PRR16: variants seen among roughly 807,000 people sequenced by gnomAD.
PRR16 encodes the protein proline rich 16.
Under a neutral mutation model 18.2 loss-of-function variants are expected in PRR16, and 6 were observed. The ratio of observed to expected loss-of-function variants is 0.33; its 90% CI spans 0.18 to 0.65. The LOEUF (loss-of-function observed/expected upper bound fraction) is 0.65, where lower values mean the gene tolerates loss of function less well. Ranked by LOEUF, PRR16 falls within the 30% of genes least tolerant of loss-of-function variation. The probability of loss-of-function intolerance (pLI) is 0.74; values close to 1 mark genes in which losing one functional copy is unlikely to be tolerated. For synonymous variants in PRR16, 151 were observed against 147.8 expected, an observed-to-expected ratio of 1.02 and a Z score of -0.16; for missense variants, 412 against 376.6, an observed-to-expected ratio of 1.09 and a Z score of -0.78.
the PRR16 span, among the ~76,000 whole-genome samples, chr5:120,741,711 CCT>C: frequency 6.6e-6 from 1 of 152,124 alleles, no homozygotes; most frequent in Non-Finnish European, 1.5e-5. Flanking sequence ...AAGCGATTCC[CCT>C]GTCTCAGCCT....
chr5:120,464,920 G>A (rs1222955848), intron 1 of PRR16, among the ~76,000 whole-genome samples: 1 of 152,138 alleles, frequency 6.6e-6, no homozygotes, highest in Non-Finnish European at 1.5e-5. Context: ...CTGAATCTGT[G>A]TGTGTGACGA....
At chr5:120,685,627 C>T in intron 1 of PRR16, among the ~76,000 whole-genome samples, 1 of 151,922 alleles carries the variant, frequency 6.6e-6, no homozygotes, top group East Asian at 1.9e-4. Context: ...AGGGAAATGC[C>T]CTCTGATTAT....
At chr5:120,504,142 T>A (rs1202200042) in intron 1 of PRR16, among the ~76,000 whole-genome samples, 1 of 152,092 alleles carries the variant, frequency 6.6e-6, no homozygotes, top group Non-Finnish European at 1.5e-5. Context: ...TCATTTAGCA[T>A]TAGGTATATC....
At chr5:120,494,576 C>T (rs1750180355) in intron 1 of PRR16, among the ~76,000 whole-genome samples, 1 of 152,084 alleles carries the variant, frequency 6.6e-6, no homozygotes, top group Non-Finnish European at 1.5e-5. Flanking sequence ...TTTTCTCCCT[C>T]TTCACGAGGT....
chr5:120,766,147 C>A, the PRR16 span, among the ~76,000 whole-genome samples: 1 of 152,070 alleles, frequency 6.6e-6, no homozygotes, highest in Admixed American at 6.6e-5. Context: ...AGTTTTGTGT[C>A]TGTATTTTTA....
intron 1 of PRR16, among the ~76,000 whole-genome samples, chr5:120,541,995 G>A (rs1751931675): frequency 6.6e-6 from 1 of 151,124 alleles, no homozygotes; most frequent in Non-Finnish European, 1.5e-5. Flanking sequence ...ATAGCTTCTT[G>A]ATACTCCCTT....
At chr5:120,702,558 C>G in the PRR16 span, among the ~76,000 whole-genome samples, 1 of 152,124 alleles carries the variant, frequency 6.6e-6, no homozygotes, top group Non-Finnish European at 1.5e-5. Context: ...CCTGCGTGGT[C>G]TGACACCTTT....
chr5:120,761,254 G>A, the PRR16 span, among the ~76,000 whole-genome samples: 1 of 152,000 alleles, frequency 6.6e-6, no homozygotes, highest in Non-Finnish European at 1.5e-5. Context: ...GAGGAAACTG[G>A]ATTGTTTAAC....
chr5:120,473,657 G>A (rs190966048), intron 1 of PRR16, among the ~76,000 whole-genome samples: 201 of 152,236 alleles, frequency 1.3e-3, no homozygotes, highest in Middle Eastern at 6.8e-3. Context: ...TCAACAAGTA[G>A]TGTTTAACAC....
intron 1 of PRR16, among the ~76,000 whole-genome samples, chr5:120,499,052 TAGGTTTGTA>T (rs1254425019): frequency 3.3e-5 from 5 of 152,058 alleles, no homozygotes; most frequent in African/African-American, 1.2e-4. Flanking sequence ...CTTCAATCTG[TAGGTTTGTA>T]AGTCTTTTGC....
chr5:120,599,341 T>C (rs1753910132), intron 1 of PRR16, among the ~76,000 whole-genome samples: 1 of 151,874 alleles, frequency 6.6e-6, no homozygotes, highest in African/African-American at 2.4e-5. Flanking sequence ...ACGAAAAAAT[T>C]TCTATTACTG....
chr5:120,694,925 A>AACTT, the PRR16 span, among the ~76,000 whole-genome samples: 1 of 152,192 alleles, frequency 6.6e-6, no homozygotes, highest in Admixed American at 6.5e-5. Flanking sequence ...TGTGGTTTAA[A>AACTT]ACTTAATTTT....
chr5:120,543,659 A>G (rs1164528820), intron 1 of PRR16, among the ~76,000 whole-genome samples: 1 of 152,198 alleles, frequency 6.6e-6, no homozygotes, highest in African/African-American at 2.4e-5. Flanking sequence ...AAATGTCCAT[A>G]TTACTGATAG....
At chr5:120,641,663 C>G (rs933779454) in intron 1 of PRR16, among the ~76,000 whole-genome samples, 2 of 152,058 alleles carry the variant, frequency 1.3e-5, no homozygotes, top group Non-Finnish European at 2.9e-5. Context: ...TCAATCTGCT[C>G]TAGATGGCTT....
the PRR16 span, chr5:120,781,130 ATAAT>A: frequency 6.6e-6 from 1 of 152,094 alleles, no homozygotes; most frequent in Non-Finnish European, 1.5e-5. Flanking sequence ...AATTGGCAAA[ATAAT>A]TGACAATTTT....
At chr5:120,651,280 C>A (rs1424148075) in intron 1 of PRR16, among the ~76,000 whole-genome samples, 4 of 152,076 alleles carry the variant, frequency 2.6e-5, no homozygotes, top group African/African-American at 9.7e-5. Context: ...CTGTAGGTTG[C>A]CTGTTCACTC....
At chr5:120,710,833 G>A in the PRR16 span, 1 of 152,168 alleles carries the variant, frequency 6.6e-6, no homozygotes, top group African/African-American at 2.4e-5. Flanking sequence ...CTGCCTCTTT[G>A]TGAAGTTTGT....
chr5:120,711,373 C>T, the PRR16 span, among the ~76,000 whole-genome samples: 124 of 152,190 alleles, frequency 8.1e-4, 3 homozygotes, highest in South Asian at 0.023. Context: ...TCATGTCTGT[C>T]TCTTTCATTT....
At chr5:120,530,709 T>C (rs1277145454) in intron 1 of PRR16, among the ~76,000 whole-genome samples, 1 of 152,048 alleles carries the variant, frequency 6.6e-6, no homozygotes, top group African/African-American at 2.4e-5. Flanking sequence ...TAGGAGATAT[T>C]GGGGAGATGG....
Sources: allele counts gnomAD v4.1 joint callset (sites outside exome capture counted in the v4.1 genomes callset), GRCh38; gene constraint gnomAD v4.1.1; transcripts MANE v1.5; gene names NCBI Gene and HGNC (gene_info 2026-07-23, HGNC 2026-07-21).